Variants in DLC1 observed in about 807,000 individuals in gnomAD.
DLC1 encodes the protein DLC1 Rho GTPase activating protein.
A neutral mutation model predicts 140.3 loss-of-function variants in DLC1; 54 were observed. The ratio of observed to expected loss-of-function variants is 0.38; its 90% CI spans 0.31 to 0.48. The LOEUF (loss-of-function observed/expected upper bound fraction) is 0.48. Among genes scored for constraint, DLC1 ranks in the 20% least tolerant of loss-of-function variants. DLC1 has a pLI of 0.96. For synonymous variants in DLC1, 986 were observed against 728.1 expected (o/e 1.35, Z -5.70); for missense variants, 2,536 against 1,907.0 (o/e 1.33, Z -6.14).
intron 2 of DLC1, among the ~76,000 whole-genome samples, chr8:13,457,556 A>G (rs1799453714): frequency 6.6e-6 from 1 of 151,670 alleles, no homozygotes; most frequent in Non-Finnish European, 1.5e-5. Context: ...GTGTGCCTGT[A>G]GCCCGAGCTA....
chr8:13,358,526 C>G (rs756377189), intron 4 of DLC1, among the ~76,000 whole-genome samples: 36 of 152,072 alleles, frequency 2.4e-4, no homozygotes, highest in Non-Finnish European at 4.7e-4. Context: ...TTTTTCTAGT[C>G]TACAGTAGGG....
At chr8:13,590,062 C>CCT (rs1554549056) in intron 1 of DLC1, among the ~76,000 whole-genome samples, 3 of 121,434 alleles carry the variant, frequency 2.5e-5, no homozygotes, top group South Asian at 5.1e-4. Flanking sequence ...ACTCAACATG[C>CCT]ATATATATAT....
chr8:13,155,202 C>G (rs187555132), intron 5 of DLC1, among the ~76,000 whole-genome samples: 1 of 151,074 alleles, frequency 6.6e-6, no homozygotes, highest in Non-Finnish European at 1.5e-5. Flanking sequence ...TTAAAGTATG[C>G]ATAGAATTCT....
intron 5 of DLC1, among the ~76,000 whole-genome samples, chr8:13,287,887 T>A (rs1169901091): frequency 1.3e-5 from 2 of 152,098 alleles, no homozygotes. Flanking sequence ...TCTAGCTTTT[T>A]TTTTTTAGGA....
intron 1 of DLC1, among the ~76,000 whole-genome samples, chr8:13,556,840 A>G (rs1484144507): frequency 1.3e-5 from 2 of 152,186 alleles, no homozygotes; most frequent in Non-Finnish European, 2.9e-5. Flanking sequence ...TATCAAATGC[A>G]TTATTTAATT....
At chr8:13,555,900 C>G (rs1332690393) in intron 1 of DLC1, among the ~76,000 whole-genome samples, 1 of 151,928 alleles carries the variant, frequency 6.6e-6, no homozygotes, top group African/African-American at 2.4e-5. Context: ...ATCACATTTT[C>G]CCCTGAACTT....
chr8:13,318,487 C>G (rs13260048), intron 4 of DLC1, among the ~76,000 whole-genome samples: 44,912 of 152,098 alleles, frequency 0.3, 6,986 homozygotes, highest in Middle Eastern at 0.34. Context: ...AGGGTTTTAA[C>G]TTAGTTAAGT....
intron 1 of DLC1, among the ~76,000 whole-genome samples, chr8:13,530,728 T>C (rs1464626787): frequency 6.6e-6 from 1 of 152,206 alleles, no homozygotes; most frequent in Non-Finnish European, 1.5e-5. Context: ...ACTCATATTT[T>C]AATAAGCAAA....
chr8:13,581,933 A>T (rs964249711), intron 1 of DLC1, among the ~76,000 whole-genome samples: 1 of 152,164 alleles, frequency 6.6e-6, no homozygotes, highest in Non-Finnish European at 1.5e-5. Flanking sequence ...AAAAAAATTT[A>T]ATGCATTTAA....
intron 2 of DLC1, among the ~76,000 whole-genome samples, chr8:13,425,431 G>C (rs1321602295): frequency 6.6e-6 from 1 of 152,138 alleles, no homozygotes; most frequent in African/African-American, 2.4e-5. Flanking sequence ...AAAACAAACA[G>C]CAGTGGGAAT....
chr8:13,540,295 C>G (rs905742355), intron 1 of DLC1, among the ~76,000 whole-genome samples: 2 of 152,150 alleles, frequency 1.3e-5, no homozygotes, highest in South Asian at 4.1e-4. Context: ...GCATTTCACT[C>G]CAACTTTAGT....
chr8:13,361,641 G>C (rs766357330), intron 4 of DLC1, among the ~76,000 whole-genome samples: 49 of 152,030 alleles, frequency 3.2e-4, no homozygotes, highest in Non-Finnish European at 1.8e-4. Context: ...TGTTTAAAAA[G>C]TCCCCTTTAC....
At chr8:13,308,124 A>G (rs1832530054) in intron 4 of DLC1, among the ~76,000 whole-genome samples, 1 of 152,230 alleles carries the variant, frequency 6.6e-6, no homozygotes, top group Non-Finnish European at 1.5e-5. Flanking sequence ...TCAAAAGTAT[A>G]TAACCATGCA....
intron 4 of DLC1, among the ~76,000 whole-genome samples, chr8:13,333,873 C>T (rs1833702873): frequency 6.6e-6 from 1 of 152,096 alleles, no homozygotes; most frequent in Non-Finnish European, 1.5e-5. Context: ...GTTATTCAGA[C>T]ACAGAAAATT....
intron 1 of DLC1, among the ~76,000 whole-genome samples, chr8:13,588,083 G>C (rs762373809): frequency 1.3e-5 from 2 of 152,074 alleles, no homozygotes. Context: ...ACAGTCTTCA[G>C]TTCCAATCCC....
intron 5 of DLC1, among the ~76,000 whole-genome samples, chr8:13,260,147 C>T (rs1003459296): frequency 1.3e-5 from 2 of 152,116 alleles, no homozygotes; most frequent in African/African-American, 4.8e-5. Context: ...AGAAAATCTT[C>T]CCAAGCAGGT....
At position 13,159,118 on chromosome 8, in the gene DLC1, T is replaced by C. The variant is rs182751926; in HGVS notation, c.1349-43461A>G. On this transcript the variant is annotated intron_variant, in intron 5 of 17. Coordinates refer to ENST00000276297, the MANE Select transcript of DLC1 (RefSeq NM_182643.3). ...GCCCAAGGTGGAGAGTGTTTTGTTATCTACCCACGTGGGACTGATTTCCCT... is the reference window on the plus strand; with the variant it reads ...GCCCAAGGTGGAGAGTGTTTTGTTACCTACCCACGTGGGACTGATTTCCCT... 1.6e-3 allele frequency among the ~76,000 whole-genome samples: 247 copies of C among 152,270 alleles called. 1 individual carries two copies. The highest frequency in any genetic ancestry group is 5.7e-3 in the African/African-American group (239 of 41,566).
intron 15 of DLC1, among the ~76,000 whole-genome samples, chr8:13,089,574 G>T (rs1286433076): frequency 1.3e-5 from 2 of 152,116 alleles, no homozygotes; most frequent in African/African-American, 4.8e-5. Flanking sequence ...GCAGTGAGCC[G>T]AGATCATGCC....
chr8:13,412,849 G>A lies in DLC1; in HGVS notation c.1024-11230C>T, dbSNP rs200171154. Reference sequence around the variant, plus strand: ...AGGGAGGCTGAGGCAGGAGAATGGCGTGAACCCAGGAGGCGGAGCTTGCAG... The same window carrying A: ...AGGGAGGCTGAGGCAGGAGAATGGCATGAACCCAGGAGGCGGAGCTTGCAG... On this transcript the variant is annotated intron_variant, in intron 2 of 17. Transcript: ENST00000276297. Among the ~76,000 whole-genome samples, 684 of 149,978 alleles carry A rather than the reference G, an allele frequency of 4.6e-3. 3 individuals are homozygous for A. The highest frequency in any genetic ancestry group is 0.016 in the African/African-American group (656 of 40,928).
Sources: allele counts gnomAD v4.1 joint callset (sites outside exome capture counted in the v4.1 genomes callset), GRCh38; gene constraint gnomAD v4.1.1; transcripts MANE v1.5; gene names NCBI Gene and HGNC (gene_info 2026-07-23, HGNC 2026-07-21).